Variants in PGBD5 observed in about 807,000 individuals in gnomAD.
The protein encoded by PGBD5 is piggyBac transposable element derived 5.
Under a neutral mutation model 47.9 loss-of-function variants are expected in PGBD5, and 14 were observed. That is an observed-to-expected ratio of 0.29 (90% CI 0.19 to 0.46). PGBD5 has a LOEUF of 0.46. PGBD5 is among the 20% of genes least tolerant of loss of function. PGBD5 has a pLI of 1.00. For missense variants in PGBD5, 635 were observed against 716.0 expected (o/e 0.89, Z 1.29); for synonymous variants, 316 against 306.3 (o/e 1.03, Z -0.33).
intron 1 of PGBD5, among the ~76,000 whole-genome samples, chr1:230,415,218 T>G (rs980219902): frequency 6.6e-6 from 1 of 151,478 alleles, no homozygotes; most frequent in African/African-American, 2.4e-5. Flanking sequence ...AAGGCTGCAG[T>G]GAGCTGTGAT....
chr1:230,422,655 A>T (rs1172637341), intron 1 of PGBD5, among the ~76,000 whole-genome samples: 1 of 152,192 alleles, frequency 6.6e-6, no homozygotes, highest in Non-Finnish European at 1.5e-5. Context: ...GAGGAGACAG[A>T]AGAGTGGGCA....
At chr1:230,353,967 G>A (rs1262351131) in intron 2 of PGBD5, among the ~76,000 whole-genome samples, 2 of 152,314 alleles carry the variant, frequency 1.3e-5, no homozygotes, top group South Asian at 2.1e-4. Flanking sequence ...CGAGCAGGGC[G>A]GGCCGATGCT....
intron 1 of PGBD5, among the ~76,000 whole-genome samples, chr1:230,371,379 G>A (rs1473889301): frequency 6.6e-6 from 1 of 152,158 alleles, no homozygotes; most frequent in African/African-American, 2.4e-5. Flanking sequence ...GCCAGTTCCA[G>A]GAGCCAGTTT....
intron 3 of PGBD5, among the ~76,000 whole-genome samples, 196 bp from the exon 4 acceptor site, chr1:230,337,484 C>T (rs1667345871): frequency 6.6e-6 from 1 of 152,142 alleles, no homozygotes; most frequent in South Asian, 2.1e-4. Flanking sequence ...ATTGGTGACT[C>T]AGCCCCAGAT....
Position 230,425,114 on chromosome 1 carries a change from C to T in PGBD5, c.331+484G>A, listed in dbSNP as rs550102618. 6.6e-6 allele frequency among the ~76,000 whole-genome samples: 1 copy of T among 152,202 alleles called. No individual in the cohort carries two copies. Among genetic ancestry groups the T allele is most frequent in the Admixed American group, 6.5e-5 (1 of 15,302 alleles). On this transcript the variant is annotated intron_variant, in intron 1 of 6. Transcript: ENST00000391860. This position sits in a 1 kb window ranked among gnomAD's most constrained non-coding sequence, Gnocchi z 4.7. ...AGTCAAGACGCCGCGGGTGGCCTCT[C>T]TCTCAACTCTCACTGGGCCAACTCC... is the stretch of plus-strand genomic sequence containing the variant.
intron 1 of PGBD5, among the ~76,000 whole-genome samples, chr1:230,368,530 C>A (rs141529269): frequency 6.6e-6 from 1 of 152,232 alleles, no homozygotes; most frequent in Non-Finnish European, 1.5e-5. Context: ...CCCTGGGGCG[C>A]CTCTTGCGGA....
intron 1 of PGBD5, among the ~76,000 whole-genome samples, chr1:230,362,540 G>A (rs915045521): frequency 2.0e-5 from 3 of 152,166 alleles, no homozygotes; most frequent in Non-Finnish European, 2.9e-5. Context: ...CTGACCCCCA[G>A]GCCAGCTTCT....
Position 230,351,090 on chromosome 1 carries a change from C to G in PGBD5, c.762G>C (p.Val254=). 1 of 1,611,662 alleles carries G rather than the reference C, an allele frequency of 6.2e-7. No individual in the cohort carries two copies. Among genetic ancestry groups the G allele is most frequent in the Non-Finnish European group, 8.5e-7 (1 of 1,178,932 alleles). The change falls in exon 3 of 7, where the codon GTG becomes GTC. Residue 254 remains valine, a splice_region_variant and synonymous_variant. Coordinates refer to ENST00000391860, the MANE Select transcript of PGBD5 (RefSeq NM_001258311.2). Reference sequence around the variant, plus strand: ...CCTCATCGATCAGGGGTTCATGTAGCACCTGCCAGGAGGGAAAAAGCAGAG... The same window carrying G: ...CCTCATCGATCAGGGGTTCATGTAGGACCTGCCAGGAGGGAAAAAGCAGAG... ...DSAFRPSQTQ[V]LHEPLIDEDP...
At chr1:230,328,546 G>A (rs1235192952) in intron 5 of PGBD5, among the ~76,000 whole-genome samples, 1 of 152,186 alleles carries the variant, frequency 6.6e-6, no homozygotes, top group East Asian at 1.9e-4. Context: ...AGAATGGCGT[G>A]TATGTCATGC....
chr1:230,375,088 G>A (rs1298342400), intron 1 of PGBD5, among the ~76,000 whole-genome samples: 2 of 152,150 alleles, frequency 1.3e-5, no homozygotes, highest in African/African-American at 4.8e-5. Context: ...AAGTTTCCAA[G>A]GAGGAATAAG....
intron 4 of PGBD5, among the ~76,000 whole-genome samples, 198 bp from the exon 5 acceptor site, chr1:230,333,239 G>A (rs1001002806): frequency 5.3e-5 from 8 of 152,038 alleles, no homozygotes; most frequent in African/African-American, 1.9e-4. Context: ...GTCTCTCCCC[G>A]TGACAATCTC....
chr1:230,350,977 G>A lies in PGBD5; in HGVS notation c.875C>T (p.Ser292Phe), dbSNP rs1667552455. The change falls in exon 3 of 7, where the codon TCC becomes TTC. Residue 292 changes from serine (S) to phenylalanine (F), a missense_variant. By Grantham distance (155) the Ser-to-Phe change is radical (BLOSUM62 -2). Coordinates refer to ENST00000391860, the MANE Select transcript of PGBD5 (RefSeq NM_001258311.2). Reference protein sequence around the residue: ...KFSLWVRQCSSTGFIIQIYVH... With the variant: ...KFSLWVRQCSFTGFIIQIYVH... ...GCTCACCTGGATGATGAAGCCAGTG[G>A]AAGAACATTGTCTGACCCAGAGGCT... is the stretch of plus-strand genomic sequence containing the variant. 1.2e-6 allele frequency: 2 copies of A among 1,613,974 alleles called. No individual in the cohort carries two copies. Among genetic ancestry groups the A allele is most frequent in the African/African-American group, 2.7e-5 (2 of 74,932 alleles).
chr1:230,403,479 C>T (rs549670636), intron 1 of PGBD5, among the ~76,000 whole-genome samples: 3 of 152,252 alleles, frequency 2.0e-5, no homozygotes, highest in Admixed American at 1.3e-4. Context: ...CAGTGTAGGG[C>T]TTCTTCCCTC....
intron 3 of PGBD5, among the ~76,000 whole-genome samples, chr1:230,344,002 C>T (rs748620838): frequency 1.3e-5 from 2 of 152,174 alleles, no homozygotes; most frequent in Non-Finnish European, 2.9e-5. Context: ...AGGTGGGATC[C>T]AGGCTGGGCA....
chr1:230,342,961 G>A (rs1667429338), intron 3 of PGBD5, among the ~76,000 whole-genome samples: 1 of 152,206 alleles, frequency 6.6e-6, no homozygotes, highest in Non-Finnish European at 1.5e-5. Flanking sequence ...TGCCATCATG[G>A]AGAGCAGATA....
chr1:230,383,238 TAAAAA>T (rs201185270), intron 1 of PGBD5, among the ~76,000 whole-genome samples: 8 of 151,896 alleles, frequency 5.3e-5, no homozygotes, highest in African/African-American at 1.9e-4. Context: ...CCCAGCTAAT[TAAAAA>T]AATTTTTTTT....
intron 1 of PGBD5, among the ~76,000 whole-genome samples, chr1:230,392,053 T>C (rs1048867707): frequency 1.3e-5 from 2 of 152,236 alleles, no homozygotes; most frequent in Admixed American, 6.5e-5. Flanking sequence ...CGAGGCTTAC[T>C]AGGACTGTGA....
chr1:230,360,372 G>A lies in PGBD5; in HGVS notation c.332-3051C>T, dbSNP rs1667723416. Among the ~76,000 whole-genome samples, 5 of 152,084 alleles carry A rather than the reference G, an allele frequency of 3.3e-5. No homozygotes were observed. In the South Asian group the frequency reaches 8.3e-4, roughly 25 times the overall value. ...CAGGTGAATCACTGTGACCTGTGGA[G>A]GGAGGGAGGGAGGGAAGGAAGGAAA... is the stretch of plus-strand genomic sequence containing the variant. On this transcript the variant is annotated intron_variant, in intron 1 of 6. Transcript: ENST00000391860.
chr1:230,332,079 C>T (rs370233445), intron 5 of PGBD5, among the ~76,000 whole-genome samples: 16 of 910 alleles, frequency 0.018, no homozygotes, highest in African/African-American at 0.053. Flanking sequence ...TTACACACCA[C>T]ACACACGTAC....
Sources: gnomAD v4.1 joint callset for allele counts (sites outside exome capture counted in the v4.1 genomes callset) on GRCh38, gnomAD v4.1.1 for gene constraint, Gnocchi (gnomAD v3.1) non-coding constraint, MANE v1.5 for transcripts, NCBI Gene and HGNC (gene_info 2026-07-23, HGNC 2026-07-21) for gene names.